CTAGE1: variants seen among roughly 807,000 people sequenced by gnomAD.
CTAGE1 encodes the protein cTAGE family member 2.
For synonymous variants in CTAGE1, 332 were observed against 302.8 expected (o/e 1.10, Z -1.00); for missense variants, 963 against 855.9 (o/e 1.13, Z -1.56).
At position 22,414,613 on chromosome 18, in the gene CTAGE1, C is replaced by G. The variant is rs1335504724; in HGVS notation, c.*961G>C. The G allele has an allele frequency of 1.5e-6, 1 of 687,508 alleles. No individual in the cohort carries two copies. Among genetic ancestry groups the G allele is most frequent in the Non-Finnish European group, 2.6e-6 (1 of 379,028 alleles). The allele number at this position is 687,508 out of a possible 1,614,324, so 42.6% of individuals were successfully genotyped here. ...AGAGCTCAATCAGAGATCAAATTCACCAACTGCAATTAAGCACTATCTTAG... is the reference window on the plus strand; with the variant it reads ...AGAGCTCAATCAGAGATCAAATTCAGCAACTGCAATTAAGCACTATCTTAG... On this transcript the variant is annotated 3_prime_UTR_variant, in exon 1 of 1. Transcript: ENST00000391403.
Position 22,415,338 on chromosome 18 carries a change from T to C in CTAGE1, c.*236A>G. Reference sequence around the variant, plus strand: ...AATAATTTACTCATAAGATTCATATTTAAATCATCCTCATTTACAAAATAC... The same window carrying C: ...AATAATTTACTCATAAGATTCATATCTAAATCATCCTCATTTACAAAATAC... On this transcript the variant is annotated 3_prime_UTR_variant, in exon 1 of 1. Coordinates refer to ENST00000391403, the MANE Select transcript of CTAGE1 (RefSeq NM_172241.3). 1 of 461,160 alleles carries C rather than the reference T, an allele frequency of 2.2e-6. No individual in the cohort carries two copies. The highest frequency in any genetic ancestry group is 3.8e-6 in the Non-Finnish European group (1 of 260,718). The allele number at this position is 461,160 out of a possible 1,614,324, so 28.6% of individuals were successfully genotyped here.
In CTAGE1 at chr18:22,415,862, G is replaced by A. The variant is rs748734100; in HGVS notation, c.1950C>T (p.Pro650=). 6.6e-5 allele frequency: 107 copies of A among 1,613,804 alleles called. No individual in the cohort carries two copies. The highest frequency in any genetic ancestry group is 3.3e-4 in the Middle Eastern group (2 of 6,076). ...GNLKVPDSSL[P]AENEATGPGF... ...CAGGGCCAGTTGCTTCATTTTCAGC[G>A]GGGAGAGATGAATCAGGCACCTTTA... The change falls in exon 1 of 1, where the codon CCC becomes CCT. Residue 650 remains proline, a synonymous_variant. Coordinates refer to ENST00000391403, the MANE Select transcript of CTAGE1 (RefSeq NM_172241.3).
rs765953508 is a variant in CTAGE1 at position 22,415,979 on chromosome 18, A to C, written c.1833T>G (p.Ser611Arg). The C allele has an allele frequency of 8.1e-6, 13 of 1,613,772 alleles. No individual in the cohort carries two copies. Among genetic ancestry groups the C allele is most frequent in the Middle Eastern group, 1.7e-4 (1 of 6,048 alleles). ...ARLSGPAELR[S>R]FNMPSLDKMD... ...TTTTATCCAAAGAAGGCATATTAAAACTTCTGAGTTCTGCTGGTCCAGAGA... is the reference window on the plus strand; with the variant it reads ...TTTTATCCAAAGAAGGCATATTAAACCTTCTGAGTTCTGCTGGTCCAGAGA... The change falls in exon 1 of 1, where the codon AGT becomes AGG. Residue 611 changes from serine (S) to arginine (R), a missense_variant. Physicochemically the swap from Ser to Arg is moderately radical, Grantham distance 110. Transcript: ENST00000391403.
In CTAGE1 at chr18:22,417,647, T is replaced by G. The variant is rs780589110; in HGVS notation, c.165A>C (p.Leu55=). 6.2e-6 allele frequency: 10 copies of G among 1,613,930 alleles called. No homozygotes were observed. The highest frequency in any genetic ancestry group is 8.5e-6 in the Non-Finnish European group (10 of 1,179,900). The change falls in exon 1 of 1, where the codon CTA becomes CTC. Residue 55 remains leucine, a synonymous_variant. Transcript: ENST00000391403. The stretch of plus-strand genomic sequence containing the variant: ...CAAGTAGTTTACATTTTTCTTCAAT[T>G]AGTCCAGAAAGTGCCACAGCAAACT... The part of the protein sequence containing the change: ...EKKFAVALSG[L]IEEKCKLLEK...
rs375212305 is a variant in CTAGE1 at position 22,416,293 on chromosome 18, G to A, written c.1519C>T (p.Pro507Ser). ...CTGAGAGGACCTTCCAACAAAGTTG[G>A]AGGATAGAGAGAAGCTCTCGTTTCA... is the stretch of plus-strand genomic sequence containing the variant. Reference protein sequence around the residue: ...SSETRASLYPPTLLEGPLRLS... With the variant: ...SSETRASLYPSTLLEGPLRLS... The change falls in exon 1 of 1, where the codon CCA (proline) becomes TCA (serine). Residue 507 changes from proline to serine, a missense_variant. Transcript: ENST00000391403. 6.8e-6 allele frequency: 11 copies of A among 1,613,880 alleles called. No homozygotes were observed. In the African/African-American group the frequency reaches 1.2e-4, roughly 18 times the overall value.
At position 22,414,046 on chromosome 18, in the gene CTAGE1, T is replaced by C. The variant is rs1266584871; in HGVS notation, c.*1528A>G. On this transcript the variant is annotated 3_prime_UTR_variant, in exon 1 of 1. Coordinates refer to ENST00000391403, the MANE Select transcript of CTAGE1 (RefSeq NM_172241.3). ...CTTGCAATTCCCACCTAACTTCCAT[T>C]CTGGGAGTGAGATATGCTACCCAGT... The C allele has an allele frequency of 1.3e-5, 2 of 152,202 alleles. No individual in the cohort carries two copies. Among genetic ancestry groups the C allele is most frequent in the Admixed American group, 1.3e-4 (2 of 15,284 alleles). 9.4% of individuals were successfully genotyped at this position (152,202 alleles called of 1,614,324 possible). A position where few individuals can be genotyped will look rare whatever the true frequency, so the allele number is the denominator to read the frequency against.
Position 22,415,584 on chromosome 18 carries a change from G to A in CTAGE1, c.2228C>T (p.Pro743Leu), listed in dbSNP as rs773818348. The change falls in exon 1 of 1, where the codon CCC (proline) becomes CTC (leucine). Residue 743 changes from proline to leucine, a missense_variant. Transcript: ENST00000391403. ...PPRPAFFPPA[P>L]TF Reference sequence around the variant, plus strand: ...AAACTCATTCTACCTTCAGAATGTGGGGGCTGGGGGGAAAAATGCAGGTCT... The same window carrying A: ...AAACTCATTCTACCTTCAGAATGTGAGGGCTGGGGGGAAAAATGCAGGTCT... The A allele has an allele frequency of 4.4e-6, 7 of 1,599,416 alleles. No individual in the cohort carries two copies. The highest frequency in any genetic ancestry group is 6.0e-6 in the Non-Finnish European group (7 of 1,172,906).
rs772399855 is a variant in CTAGE1 at position 22,415,555 on chromosome 18, A to G, written c.*19T>C. On this transcript the variant is annotated 3_prime_UTR_variant, in exon 1 of 1. Transcript: ENST00000391403. ...TCATTTGAAGTCGGACTCAACCCTG[A>G]TGGAAACTCATTCTACCTTCAGAAT... is the stretch of plus-strand genomic sequence containing the variant. 2 of 1,565,620 alleles carry G rather than the reference A, an allele frequency of 1.3e-6. No individual in the cohort carries two copies. Among genetic ancestry groups the G allele is most frequent in the Non-Finnish European group, 1.7e-6 (2 of 1,155,276 alleles).
At position 22,415,745 on chromosome 18, in the gene CTAGE1, G is replaced by A. The variant is rs558207170; in HGVS notation, c.2067C>T (p.Pro689=). The A allele has an allele frequency of 7.1e-5, 114 of 1,613,588 alleles. No homozygotes were observed. Among genetic ancestry groups the A allele is most frequent in the Non-Finnish European group, 8.8e-5 (104 of 1,179,888 alleles). ...CAAACACGGTTCCTGGAGGAGGTGG[G>A]GGGAAAGGAGGTCCTCTTCTTATGA... ...GPFIRRGPPF[P]PPPPGTVFGA... is the part of the protein sequence containing the mutation. The change falls in exon 1 of 1, where the codon CCC becomes CCT. Residue 689 remains proline (P), a synonymous_variant. Coordinates refer to ENST00000391403, the MANE Select transcript of CTAGE1 (RefSeq NM_172241.3).
At position 22,414,899 on chromosome 18, in the gene CTAGE1, G is replaced by C. The variant is rs1358022367; in HGVS notation, c.*675C>G. The C allele has an allele frequency of 7.7e-6, 5 of 651,080 alleles. No individual in the cohort carries two copies. Among genetic ancestry groups the C allele is most frequent in the East Asian group, 5.5e-5 (2 of 36,262 alleles). The allele number at this position is 651,080 out of a possible 1,614,324, so 40.3% of individuals were successfully genotyped here. ...GAAGACGAAGGGAAGGAAAGGGAGG[G>C]CGAAGAAACCATTCTTGAGGAAAAC... On this transcript the variant is annotated 3_prime_UTR_variant, in exon 1 of 1. Coordinates refer to ENST00000391403, the MANE Select transcript of CTAGE1 (RefSeq NM_172241.3).
rs746971304 is a variant in CTAGE1 at position 22,417,045 on chromosome 18, G to A, written c.767C>T (p.Thr256Met). The A allele has an allele frequency of 4.3e-6, 7 of 1,613,878 alleles. No individual in the cohort carries two copies. Among genetic ancestry groups the A allele is most frequent in the East Asian group, 2.2e-5 (1 of 44,864 alleles). Reference protein sequence around the residue: ...DGVAMLEEDVTDDDNLELEMN... With the variant: ...DGVAMLEEDVMDDDNLELEMN... The stretch of plus-strand genomic sequence containing the variant: ...TTCTAATTCCAAGTTATCATCATCC[G>A]TTACATCTTCTTCAAGCATAGCAAC... The change falls in exon 1 of 1, where the codon ACG becomes ATG. Residue 256 changes from threonine to methionine, a missense_variant. Physicochemically the swap from Thr to Met is moderately conservative, Grantham distance 81. Transcript: ENST00000391403.
chr18:22,416,691 T>C lies in CTAGE1; in HGVS notation c.1121A>G (p.Glu374Gly), dbSNP rs755270843. ...CTCTTCTTTCTCTAACCGGCATTTT[T>C]CCTCTACTATTAATTTCCTGTAGAG... Reference protein sequence around the residue: ...MKLYRKLIVEEKCRLEKEEKL... With the variant: ...MKLYRKLIVEGKCRLEKEEKL... Residue 374 changes from glutamate to glycine, a missense_variant, in exon 1 of 1, where the codon GAA (glutamate) becomes GGA (glycine). Physicochemically the swap from Glu to Gly is moderately conservative, Grantham distance 98 (BLOSUM62 -2). Transcript: ENST00000391403. The C allele has an allele frequency of 1.1e-5, 17 of 1,613,728 alleles. No homozygotes were observed. The East Asian group carries it at 1.8e-4, about 17-fold the overall frequency.
At position 22,414,039 on chromosome 18, in the gene CTAGE1, C is replaced by T. The variant is rs2034980165; in HGVS notation, c.*1535G>A. The stretch of plus-strand genomic sequence containing the variant: ...CCTTAATCTTGCAATTCCCACCTAA[C>T]TTCCATTCTGGGAGTGAGATATGCT... On this transcript the variant is annotated 3_prime_UTR_variant, in exon 1 of 1. Coordinates refer to ENST00000391403, the MANE Select transcript of CTAGE1 (RefSeq NM_172241.3). The T allele has an allele frequency of 6.6e-6, 1 of 152,182 alleles. No homozygotes were observed. The highest frequency in any genetic ancestry group is 1.5e-5 in the Non-Finnish European group (1 of 68,034). The allele number at this position is 152,182 out of a possible 1,614,324, so 9.4% of individuals were successfully genotyped here. A position where few individuals can be genotyped will look rare whatever the true frequency, so the allele number is the denominator to read the frequency against.
chr18:22,415,911 T>C lies in CTAGE1; in HGVS notation c.1901A>G (p.Asp634Gly), dbSNP rs531847754. 1.2e-6 allele frequency: 2 copies of C among 1,613,942 alleles called. No individual in the cohort carries two copies. Among genetic ancestry groups the C allele is most frequent in the African/African-American group, 2.7e-5 (2 of 75,036 alleles). ...TAAATTACCAAGATTATCTTTGGTA[T>C]CATTTCTACTGGATTCCATTTCTGA... ...MPSEMESSRNDTKDNLGNLKV... is the reference protein window; with the variant it reads ...MPSEMESSRNGTKDNLGNLKV... The change falls in exon 1 of 1, where the codon GAT (aspartate) becomes GGT (glycine). Residue 634 changes from aspartate to glycine, a missense_variant. Coordinates refer to ENST00000391403, the MANE Select transcript of CTAGE1 (RefSeq NM_172241.3).
chr18:22,417,614 A>G lies in CTAGE1; in HGVS notation c.198T>C (p.Phe66=). 1 of 1,614,012 alleles carries G rather than the reference A, an allele frequency of 6.2e-7. No individual in the cohort carries two copies. Among genetic ancestry groups the G allele is most frequent in the African/African-American group, 1.3e-5 (1 of 75,052 alleles). The change falls in exon 1 of 1, where the codon TTT becomes TTC. Residue 66 remains phenylalanine, a synonymous_variant. Coordinates refer to ENST00000391403, the MANE Select transcript of CTAGE1 (RefSeq NM_172241.3). ...IEEKCKLLEK[F]SLVQKEYEGY... is the part of the protein sequence containing the mutation. Reference sequence around the variant, plus strand: ...CTTCATACTCTTTTTGAACAAGGCTAAATTTTTCAAGTAGTTTACATTTTT... The same window carrying G: ...CTTCATACTCTTTTTGAACAAGGCTGAATTTTTCAAGTAGTTTACATTTTT...
chr18:22,415,238 A>C lies in CTAGE1; in HGVS notation c.*336T>G. ...CCCCACCTGCAAGATTACATATATA[A>C]AGCTCCCACCATTCTTTATATAATA... On this transcript the variant is annotated 3_prime_UTR_variant, in exon 1 of 1. Coordinates refer to ENST00000391403, the MANE Select transcript of CTAGE1 (RefSeq NM_172241.3). 4.0e-6 allele frequency: 1 copy of C among 251,994 alleles called. No individual in the cohort carries two copies. The highest frequency in any genetic ancestry group is 2.2e-5 in the African/African-American group (1 of 44,800). 15.6% of individuals were successfully genotyped at this position (251,994 alleles called of 1,614,324 possible).
chr18:22,415,572 C>G lies in CTAGE1; in HGVS notation c.*2G>C, dbSNP rs1378635514. On this transcript the variant is annotated 3_prime_UTR_variant, in exon 1 of 1. Transcript: ENST00000391403. ...CAACCCTGATGGAAACTCATTCTAC[C>G]TTCAGAATGTGGGGGCTGGGGGGAA... 14 of 1,590,310 alleles carry G rather than the reference C, an allele frequency of 8.8e-6. No individual in the cohort carries two copies. The highest frequency in any genetic ancestry group is 1.2e-5 in the Non-Finnish European group (14 of 1,168,622).
In CTAGE1 at chr18:22,415,670, A is replaced by G. The variant is rs2035001088; in HGVS notation, c.2142T>C (p.Arg714=). 1.9e-6 allele frequency: 3 copies of G among 1,614,172 alleles called. No homozygotes were observed. The highest frequency in any genetic ancestry group is 2.5e-6 in the Non-Finnish European group (3 of 1,180,038). Residue 714 remains arginine, a synonymous_variant, in exon 1 of 1, where the codon CGT becomes CGC. Coordinates refer to ENST00000391403, the MANE Select transcript of CTAGE1 (RefSeq NM_172241.3). ...AGACATTTCTCATTGCAAATGGAGC[A>G]CGTGGTGGACCTGGGACATCCCTTG... The part of the protein sequence containing the change: ...FSPRDVPGPP[R]APFAMRNVYL...
rs1354504543 is a variant in CTAGE1, at chr18:22,417,904, C to T, written c.-93G>A. ...TTAGCCCTAGGCTCCTCCGTAGCGC[C>T]AAGGCTGCTCTGGCGGTTGCTGCAG... On this transcript the variant is annotated 5_prime_UTR_variant, in exon 1 of 1. Coordinates refer to ENST00000391403, the MANE Select transcript of CTAGE1 (RefSeq NM_172241.3). 7 of 1,244,542 alleles carry T rather than the reference C, an allele frequency of 5.6e-6. No individual in the cohort carries two copies. The highest frequency in any genetic ancestry group is 3.0e-5 in the African/African-American group (2 of 66,610). The allele number at this position is 1,244,542 out of a possible 1,614,324, so 77.1% of individuals were successfully genotyped here. A position where few individuals can be genotyped will look rare whatever the true frequency, so the allele number is the denominator to read the frequency against.
Sources: gnomAD v4.1 joint callset for allele counts on GRCh38, gnomAD v4.1.1 for gene constraint, MANE v1.5 for transcripts, NCBI Gene and HGNC (gene_info 2026-07-23, HGNC 2026-07-21) for gene names.